WDR35: variants seen among roughly 807,000 people sequenced by gnomAD.
WDR35 encodes the protein WD repeat domain 35.
Under a neutral mutation model 158.3 loss-of-function variants are expected in WDR35, and 118 were observed. The ratio of observed to expected loss-of-function variants is 0.75; its 90% CI spans 0.64 to 0.87. The LOEUF (loss-of-function observed/expected upper bound fraction) is 0.87. WDR35 is among the 40% of genes least tolerant of loss of function. The pLI is 0.00. For synonymous variants in WDR35, 448 were observed against 476.1 expected (o/e 0.94, Z 0.77); for missense variants, 1,263 against 1,405.8 (o/e 0.90, Z 1.62).
chr2:19,985,600 A>T, intron 2 of WDR35, among the ~76,000 whole-genome samples: 1 of 139,700 alleles, frequency 7.2e-6, no homozygotes. Flanking sequence ...AAAAAAAAAA[A>T]GGGCCGGGCG....
chr2:19,972,325 G>A (rs189127746), intron 8 of WDR35, among the ~76,000 whole-genome samples: 49 of 152,188 alleles, frequency 3.2e-4, no homozygotes, highest in African/African-American at 7.5e-4. Context: ...ACAGTTTTCC[G>A]TTTAACACTT....
At chr2:19,960,190 C>A (rs1394899894) in intron 11 of WDR35, among the ~76,000 whole-genome samples, 1 of 152,048 alleles carries the variant, frequency 6.6e-6, no homozygotes, top group African/African-American at 2.4e-5. Context: ...TAGCAAAATT[C>A]TTTCTATAAT....
Position 19,935,451 on chromosome 2 carries a change from C to A in WDR35, c.2547+20G>T. ...TAAAGTAACCTAACAATTCCAAAAA[C>A]TAAAATTTGCAATACCTACTGGAAG... On this transcript the variant is annotated intron_variant, in intron 21 of 26. Coordinates refer to ENST00000281405, the MANE Select transcript of WDR35 (RefSeq NM_020779.4). 1 of 1,611,386 alleles carries A rather than the reference C, an allele frequency of 6.2e-7. No individual in the cohort carries two copies. The highest frequency in any genetic ancestry group is 1.1e-5 in the South Asian group (1 of 90,492).
intron 2 of WDR35, among the ~76,000 whole-genome samples, chr2:19,985,580 TAAAAAAAAA>T (rs532102922): frequency 1.7e-5 from 2 of 116,526 alleles, no homozygotes; most frequent in Non-Finnish European, 3.6e-5. Context: ...CTGGTCCCTT[TAAAAAAAAA>T]AAAAAAAAAA....
intron 25 of WDR35, among the ~76,000 whole-genome samples, chr2:19,926,585 G>A (rs1670361637): frequency 1.3e-5 from 2 of 152,172 alleles, no homozygotes; most frequent in African/African-American, 2.4e-5. Flanking sequence ...GGAGAGACAG[G>A]GATTATGGGA....
chr2:19,973,578 G>A lies in WDR35; in HGVS notation c.867C>T (p.Tyr289=), dbSNP rs185888517. ...QDKDVNIVQF[Y]TPFGEHLGTL... Reference sequence around the variant, plus strand: ...ATGCATTTACCTCACCAAACGGAGTGTAAAACTGCACAATGTTCACATCTT... The same window carrying A: ...ATGCATTTACCTCACCAAACGGAGTATAAAACTGCACAATGTTCACATCTT... The change falls in exon 8 of 27, where the codon TAC becomes TAT. Residue 289 remains tyrosine (Y), a synonymous_variant. Coordinates refer to ENST00000281405, the MANE Select transcript of WDR35 (RefSeq NM_020779.4). The A allele has an allele frequency of 4.6e-5, 75 of 1,614,160 alleles. No homozygotes were observed. In the East Asian group the frequency reaches 1.6e-3, roughly 35 times the overall value.
chr2:19,969,397 G>C, intron 9 of WDR35, 83 bp downstream of exon 9: 1 of 1,450,722 alleles, frequency 6.9e-7, no homozygotes, highest in South Asian at 1.3e-5. Context: ...CCTAAAACAA[G>C]ACAGCTTTGA....
intron 5 of WDR35, 51 bp from the exon 6 acceptor site, chr2:19,975,714 C>G: frequency 6.2e-7 from 1 of 1,612,154 alleles, no homozygotes; most frequent in Non-Finnish European, 8.5e-7. Context: ...CCTCCAACAA[C>G]GGCTTTCGAA....
chr2:19,985,654 C>T (rs548821518), intron 2 of WDR35, among the ~76,000 whole-genome samples: 113 of 149,098 alleles, frequency 7.6e-4, no homozygotes, highest in Non-Finnish European at 1.2e-3. Context: ...GAGGCCCAGG[C>T]GGGCGAGTCA....
chr2:19,969,455 T>C lies in WDR35; in HGVS notation c.1008+25A>G, dbSNP rs749990065. The C allele has an allele frequency of 6.3e-6, 10 of 1,599,100 alleles. No individual in the cohort carries two copies. In the African/African-American group the frequency reaches 1.3e-4, roughly 21 times the overall value. On this transcript the variant is annotated intron_variant, in intron 9 of 26. Coordinates refer to ENST00000281405, the MANE Select transcript of WDR35 (RefSeq NM_020779.4). ...ATTATTTAGTAAGAAACACTGTTTA[T>C]TTTACAACTGCTCTTAATATTTACC...
rs1010583121 is a variant in WDR35, at chr2:19,973,431, T to C, written c.882+132A>G. 3.5e-5 allele frequency: 34 copies of C among 971,802 alleles called. No individual in the cohort carries two copies. Among genetic ancestry groups the C allele is most frequent in the African/African-American group, 3.3e-4 (20 of 60,264 alleles). The allele number at this position is 971,802 out of a possible 1,614,324, so 60.2% of individuals were successfully genotyped here. A position where few individuals can be genotyped will look rare whatever the true frequency, so the allele number is the denominator to read the frequency against. ...TCCATGATAAAATACAACAAAGATT[T>C]ATACTATGAAGATGAAATGTCCCTA... On this transcript the variant is annotated intron_variant, in intron 8 of 26. Coordinates refer to ENST00000281405, the MANE Select transcript of WDR35 (RefSeq NM_020779.4).
Position 19,956,770 on chromosome 2 carries a change from G to A in WDR35, c.1256-2792C>T, listed in dbSNP as rs547693270. ...AGTGTAGCTGGGACTACAGGCGCGC[G>A]CCACCATGCCCGGCTAATTTTTGTA... On this transcript the variant is annotated intron_variant, in intron 11 of 26. Transcript: ENST00000281405. Among the ~76,000 whole-genome samples the A allele has an allele frequency of 2.1e-3, 315 of 151,826 alleles. 3 individuals carry two copies. The highest frequency in any genetic ancestry group is 7.3e-3 in the African/African-American group (301 of 41,414).
chr2:19,990,048 T>C lies in WDR35; in HGVS notation c.-33A>G, dbSNP rs1316506447. On this transcript the variant is annotated 5_prime_UTR_variant, in exon 1 of 27. Transcript: ENST00000281405. ...TCCCCGAGAGGGTCACGGCGGCCGC[T>C]AAGGCCCTCGACAAGTAACGGTTCT... 5.6e-6 allele frequency: 9 copies of C among 1,612,472 alleles called. No individual in the cohort carries two copies. Among genetic ancestry groups the C allele is most frequent in the Non-Finnish European group, 6.8e-6 (8 of 1,179,368 alleles).
chr2:19,924,520 C>T (rs564903938), intron 25 of WDR35, among the ~76,000 whole-genome samples: 12 of 152,186 alleles, frequency 7.9e-5, no homozygotes, highest in East Asian at 1.9e-4. Flanking sequence ...GCCGAGATCG[C>T]GCCACTGCAC....
chr2:19,913,968 A>G, intron 26 of WDR35, 69 bp downstream of exon 26: 1 of 1,604,146 alleles, frequency 6.2e-7, no homozygotes, highest in Non-Finnish European at 8.5e-7. Flanking sequence ...CCTACATTAA[A>G]CATTGTACAT....
chr2:19,982,115 T>C (rs1672400561), intron 3 of WDR35, among the ~76,000 whole-genome samples: 1 of 152,166 alleles, frequency 6.6e-6, no homozygotes, highest in South Asian at 2.1e-4. Flanking sequence ...CATACAACCA[T>C]TCTGTTTTTC....
intron 13 of WDR35, among the ~76,000 whole-genome samples, chr2:19,949,519 T>C (rs1019570600): frequency 1.3e-5 from 2 of 152,226 alleles, no homozygotes; most frequent in Non-Finnish European, 2.9e-5. Flanking sequence ...GATGTCACCA[T>C]TTAAATGTAA....
At chr2:19,946,357 C>T in intron 15 of WDR35, 104 bp downstream of exon 15, 1 of 998,210 alleles carries the variant, frequency 1.0e-6, no homozygotes, top group South Asian at 1.3e-5. Context: ...AAGACAAGTT[C>T]ATAATAGACA....
At chr2:19,960,743 AC>A in intron 10 of WDR35, 129 bp from the exon 11 acceptor site, 1 of 707,820 alleles carries the variant, frequency 1.4e-6, no homozygotes, top group East Asian at 2.8e-5. Flanking sequence ...TGAAACTGTT[AC>A]GTGCAAAAAA....
Sources: gnomAD v4.1 joint callset for allele counts (sites outside exome capture counted in the v4.1 genomes callset) on GRCh38, gnomAD v4.1.1 for gene constraint, MANE v1.5 for transcripts, NCBI Gene and HGNC (gene_info 2026-07-23, HGNC 2026-07-21) for gene names.